DACH1: variants seen among roughly 807,000 people sequenced by gnomAD.
The protein encoded by DACH1 is dachshund family transcription factor 1.
In DACH1, 12 loss-of-function variants were observed where a neutral mutation model predicts 54.2. That is an observed-to-expected ratio of 0.22 (90% CI 0.14 to 0.36). DACH1 has a LOEUF of 0.36. Among genes scored for constraint, DACH1 ranks in the 10% least tolerant of loss-of-function variants. DACH1 has a pLI of 1.00. For missense variants in DACH1, 805 were observed against 929.8 expected (o/e 0.87, Z 1.75); for synonymous variants, 386 against 366.2 (o/e 1.05, Z -0.62).
intron 1 of DACH1, among the ~76,000 whole-genome samples, chr13:71,732,492 G>C (rs1883796348): frequency 6.6e-6 from 1 of 151,636 alleles, no homozygotes; most frequent in African/African-American, 2.4e-5. Flanking sequence ...GGCTGAGACA[G>C]GAGAATCACT....
chr13:71,476,625 T>TA (rs1018684165), intron 8 of DACH1, among the ~76,000 whole-genome samples: 17 of 152,150 alleles, frequency 1.1e-4, no homozygotes, highest in Admixed American at 3.3e-4. Context: ...CTTTTATATT[T>TA]AAAAAAATAG....
At chr13:71,569,411 T>C (rs918999297) in intron 4 of DACH1, among the ~76,000 whole-genome samples, 1 of 152,176 alleles carries the variant, frequency 6.6e-6, no homozygotes, top group African/African-American at 2.4e-5. Flanking sequence ...AAAAACTTTA[T>C]TTACCAACAC....
At chr13:71,551,725 A>G (rs1407776704) in intron 6 of DACH1, among the ~76,000 whole-genome samples, 2 of 152,150 alleles carry the variant, frequency 1.3e-5, no homozygotes, top group African/African-American at 2.4e-5. Flanking sequence ...AGTGATACAT[A>G]ATGATTTTCT....
chr13:71,819,768 A>G (rs1331668854), intron 1 of DACH1, among the ~76,000 whole-genome samples: 2 of 152,170 alleles, frequency 1.3e-5, no homozygotes, highest in East Asian at 3.9e-4. Flanking sequence ...CCACTAGTGA[A>G]AAAACAAAGT....
intron 6 of DACH1, among the ~76,000 whole-genome samples, chr13:71,514,948 T>C (rs1160730145): frequency 2.0e-5 from 3 of 151,916 alleles, no homozygotes; most frequent in Non-Finnish European, 4.4e-5. Context: ...TACAATGTTT[T>C]CTTCTTGGGC....
intron 10 of DACH1, among the ~76,000 whole-genome samples, chr13:71,450,513 C>A (rs965945813): frequency 5.9e-5 from 9 of 152,046 alleles, no homozygotes; most frequent in South Asian, 4.1e-4. Flanking sequence ...TGAATCACAA[C>A]AATATTGAAA....
chr13:71,562,112 A>T (rs1430915420), intron 4 of DACH1, among the ~76,000 whole-genome samples: 1 of 152,204 alleles, frequency 6.6e-6, no homozygotes, highest in Admixed American at 6.5e-5. Context: ...GAGTTTTTGT[A>T]CAGAGCTAAT....
intron 1 of DACH1, among the ~76,000 whole-genome samples, chr13:71,852,299 T>C (rs1331274372): frequency 1.3e-5 from 2 of 152,002 alleles, no homozygotes; most frequent in African/African-American, 2.4e-5. Context: ...TGAATGAGTG[T>C]AATCAATGAG....
intron 7 of DACH1, among the ~76,000 whole-genome samples, chr13:71,481,362 A>G (rs2138186393): frequency 6.6e-6 from 1 of 152,332 alleles, no homozygotes; most frequent in South Asian, 2.1e-4. Flanking sequence ...TTAAATGTGA[A>G]ACAATCATTA....
intron 1 of DACH1, among the ~76,000 whole-genome samples, chr13:71,787,569 G>A (rs375153585): frequency 6.6e-6 from 1 of 152,092 alleles, no homozygotes; most frequent in East Asian, 1.9e-4. Context: ...GAGAGATGTA[G>A]CCTCGCTTCG....
At chr13:71,787,746 C>T (rs1317724593) in intron 1 of DACH1, among the ~76,000 whole-genome samples, 1 of 152,092 alleles carries the variant, frequency 6.6e-6, no homozygotes, top group Non-Finnish European at 1.5e-5. Context: ...AATGAGTATT[C>T]CCGGGCCATA....
At chr13:71,810,329 A>T (rs1365963435) in intron 1 of DACH1, among the ~76,000 whole-genome samples, 1 of 152,190 alleles carries the variant, frequency 6.6e-6, no homozygotes, top group Non-Finnish European at 1.5e-5. Context: ...TTACTATCAC[A>T]CTACACTTTA....
chr13:71,510,561 T>A (rs960027271), intron 6 of DACH1, among the ~76,000 whole-genome samples: 1 of 152,054 alleles, frequency 6.6e-6, no homozygotes, highest in Admixed American at 6.6e-5. Context: ...AAGACATAGA[T>A]TTATCCAAAT....
At chr13:71,545,737 C>A (rs546561638) in intron 6 of DACH1, among the ~76,000 whole-genome samples, 2 of 152,046 alleles carry the variant, frequency 1.3e-5, no homozygotes, top group South Asian at 4.2e-4. Context: ...AATGAAGAAC[C>A]ATAAAGACAA....
intron 1 of DACH1, among the ~76,000 whole-genome samples, chr13:71,729,236 A>G (rs1466066675): frequency 3.3e-5 from 5 of 152,056 alleles, no homozygotes; most frequent in Non-Finnish European, 7.4e-5. Context: ...TCCCAAAATG[A>G]ATTTGCTTTC....
chr13:71,636,552 T>G, intron 2 of DACH1, among the ~76,000 whole-genome samples: 1 of 112,070 alleles, frequency 8.9e-6, no homozygotes, highest in East Asian at 2.0e-4. Flanking sequence ...AAAGTAAAAA[T>G]AATAATAATA....
chr13:71,798,301 T>C (rs1887139648), intron 1 of DACH1, among the ~76,000 whole-genome samples: 1 of 142,784 alleles, frequency 7.0e-6, no homozygotes, highest in Non-Finnish European at 1.5e-5. Flanking sequence ...GAAAGATGAT[T>C]TTAAAGAGAA....
chr13:71,547,270 C>G (rs1194171866), intron 6 of DACH1, among the ~76,000 whole-genome samples: 1 of 152,040 alleles, frequency 6.6e-6, no homozygotes, highest in Non-Finnish European at 1.5e-5. Context: ...TTTTCCACAG[C>G]CCAAGACCTT....
chr13:71,853,983 T>C (rs1359548767), intron 1 of DACH1, among the ~76,000 whole-genome samples: 1 of 152,080 alleles, frequency 6.6e-6, no homozygotes, highest in Non-Finnish European at 1.5e-5. Flanking sequence ...ATCAAGAGAT[T>C]TCCCAAGGGT....
Sources: gnomAD v4.1 joint callset for allele counts (sites outside exome capture counted in the v4.1 genomes callset) on GRCh38, gnomAD v4.1.1 for gene constraint, MANE v1.5 for transcripts, NCBI Gene and HGNC (gene_info 2026-07-23, HGNC 2026-07-21) for gene names.